The following TCOF1 variants were observed in gnomAD, a reference collection of about 807,000 sequenced individuals.
The protein encoded by TCOF1 is treacle protein.
In TCOF1, 33 loss-of-function variants were observed where a neutral mutation model predicts 149.0. The ratio of observed to expected loss-of-function variants is 0.22; its 90% CI spans 0.17 to 0.30. The LOEUF (loss-of-function observed/expected upper bound fraction) is 0.30. Ranked by LOEUF, TCOF1 falls within the 10% of genes least tolerant of loss-of-function variation. The pLI is 1.00. For synonymous variants in TCOF1, 789 were observed against 738.8 expected (o/e 1.07, Z -1.10); for missense variants, 1,728 against 1,840.7 (o/e 0.94, Z 1.12).
intron 14 of TCOF1, among the ~76,000 whole-genome samples, chr5:150,376,979 G>A (rs1763956177): frequency 1.3e-5 from 2 of 152,234 alleles, no homozygotes; most frequent in South Asian, 4.1e-4. Flanking sequence ...GGAGCGATGG[G>A]GTTGAGATAG....
chr5:150,362,368 A>G (rs78507363), intron 2 of TCOF1, among the ~76,000 whole-genome samples: 2,994 of 152,304 alleles, frequency 0.02, 106 homozygotes, highest in African/African-American at 0.069. Flanking sequence ...AGTGAAGGAC[A>G]TGCAGACATA....
intron 25 of TCOF1, 145 bp from the exon 26 acceptor site, chr5:150,398,877 G>A: frequency 1.8e-6 from 2 of 1,142,760 alleles, no homozygotes. Context: ...TAGGAGAGCT[G>A]AACATCTGTT....
intron 21 of TCOF1, chr5:150,392,496 G>A: frequency 1.6e-6 from 1 of 619,558 alleles, no homozygotes; most frequent in East Asian, 2.8e-5. Flanking sequence ...TAGAAATAAG[G>A]CTTTGGCATT....
chr5:150,360,697 C>A (rs1416516676), intron 1 of TCOF1, among the ~76,000 whole-genome samples: 1 of 151,098 alleles, frequency 6.6e-6, no homozygotes, highest in East Asian at 1.9e-4. Context: ...ACTGGCAGGG[C>A]CAAGCAGACA....
intron 8 of TCOF1, 63 bp from the exon 9 acceptor site, chr5:150,374,554 G>A: frequency 3.1e-6 from 5 of 1,607,800 alleles, no homozygotes; most frequent in Non-Finnish European, 4.3e-6. Context: ...TTCTGTACGT[G>A]GTGTCCTGTG....
rs115532058 is a variant in TCOF1 at position 150,375,179 on chromosome 5, G to A, written c.1488+16G>A. On this transcript the variant is annotated intron_variant, in intron 10 of 26. Coordinates refer to ENST00000643257, the MANE Select transcript of TCOF1 (RefSeq NM_001371623.1). The stretch of plus-strand genomic sequence containing the variant: ...TGCAGCTCAGGTGAGGCTGGAAGCC[G>A]CCCTGCATGGCCTGTGCCCTGCCTC... 882 of 1,612,824 alleles carry A rather than the reference G, an allele frequency of 5.5e-4. 5 individuals carry two copies. In the African/African-American group the frequency reaches 9.2e-3, roughly 17 times the overall value.
rs887697414 is a variant in TCOF1 at position 150,393,304 on chromosome 5, A to G, written c.3604-68A>G. 8 of 1,602,752 alleles carry G rather than the reference A, an allele frequency of 5.0e-6. No homozygotes were observed. In the East Asian group the frequency reaches 6.7e-5, roughly 13 times the overall value. On this transcript the variant is annotated intron_variant, in intron 22 of 26. Transcript: ENST00000643257. ...CAGGCTGCTTTCCTCACAGCAGGCC[A>G]TGACTCGGGCTGGGTTATGGCAGTG...
intron 14 of TCOF1, among the ~76,000 whole-genome samples, chr5:150,376,953 C>G (rs1159538754): frequency 6.6e-6 from 1 of 152,244 alleles, no homozygotes; most frequent in African/African-American, 2.4e-5. Flanking sequence ...GGAGCATGGA[C>G]ATGCTCCTGC....
chr5:150,386,535 G>A (rs1766340850), intron 17 of TCOF1, among the ~76,000 whole-genome samples: 1 of 152,276 alleles, frequency 6.6e-6, no homozygotes, highest in East Asian at 1.9e-4. Context: ...TTTACTTTAT[G>A]CCTCTCCACA....
intron 17 of TCOF1, chr5:150,382,972 G>A: frequency 9.5e-7 from 1 of 1,053,602 alleles, no homozygotes; most frequent in Non-Finnish European, 1.3e-6. Context: ...GGAAACCAGA[G>A]TGCCTGAGGG....
chr5:150,398,535 C>T, intron 25 of TCOF1, 84 bp downstream of exon 25: 1 of 1,596,782 alleles, frequency 6.3e-7, no homozygotes, highest in Non-Finnish European at 8.5e-7. Context: ...GGTTCCTGCC[C>T]CCTTCCCATT....
intron 1 of TCOF1, among the ~76,000 whole-genome samples, chr5:150,358,510 A>G (rs1036018827): frequency 2.0e-5 from 3 of 152,156 alleles, no homozygotes; most frequent in Non-Finnish European, 4.4e-5. Flanking sequence ...CACAAAAGTG[A>G]CTATATGCTT....
At position 150,379,512 on chromosome 5, in the gene TCOF1, C is replaced by T; in HGVS notation, c.2659-20C>T. 2 of 1,613,700 alleles carry T rather than the reference C, an allele frequency of 1.2e-6. No homozygotes were observed. Among genetic ancestry groups the T allele is most frequent in the South Asian group, 1.1e-5 (1 of 91,048 alleles). ...GTCCACCCTCCAGGCTCTCTCCTCT[C>T]ATCCTGTTTCTCCCTCCAGGTGAAG... On this transcript the variant is annotated intron_variant, in intron 16 of 26. Coordinates refer to ENST00000643257, the MANE Select transcript of TCOF1 (RefSeq NM_001371623.1).
Position 150,362,190 on chromosome 5 carries a change from G to T in TCOF1, c.164+979G>T, listed in dbSNP as rs542433401. 3.9e-5 allele frequency among the ~76,000 whole-genome samples: 6 copies of T among 152,310 alleles called. No homozygotes were observed. The South Asian group carries it at 8.3e-4, about 21-fold the overall frequency. On this transcript the variant is annotated intron_variant, in intron 2 of 26. Coordinates refer to ENST00000643257, the MANE Select transcript of TCOF1 (RefSeq NM_001371623.1). ...AAGGGAACTCAGTTTGGAGGGGAAAGATTTCAATGACATGTTGAGTGTGAG... is the reference window on the plus strand; with the variant it reads ...AAGGGAACTCAGTTTGGAGGGGAAATATTTCAATGACATGTTGAGTGTGAG...
chr5:150,385,931 C>A (rs1049320656), intron 17 of TCOF1, among the ~76,000 whole-genome samples: 2 of 152,182 alleles, frequency 1.3e-5, no homozygotes, highest in Non-Finnish European at 2.9e-5. Context: ...CCAGTTTCCA[C>A]AGTGCATTGG....
rs1473384621 is a variant in TCOF1 at position 150,368,454 on chromosome 5, A to G, written c.379-262A>G. On this transcript the variant is annotated intron_variant, in intron 4 of 26. Coordinates refer to ENST00000643257, the MANE Select transcript of TCOF1 (RefSeq NM_001371623.1). ...GTCTCAAAGTAATTATGAAGTAATG[A>G]TAAGATCAACAACAAACTGCTACTT... is the stretch of plus-strand genomic sequence containing the variant. 4 of 530,810 alleles carry G rather than the reference A, an allele frequency of 7.5e-6. No homozygotes were observed. In the East Asian group the frequency reaches 1.3e-4, roughly 18 times the overall value. The allele number at this position is 530,810 out of a possible 1,614,324, so 32.9% of individuals were successfully genotyped here.
intron 17 of TCOF1, chr5:150,385,051 A>G (rs1052945818): frequency 1.0e-6 from 1 of 985,458 alleles, no homozygotes. Context: ...GACAGCTTCC[A>G]GATTTAAAAA....
At chr5:150,382,802 C>G (rs1035010133) in intron 17 of TCOF1, among the ~76,000 whole-genome samples, 1 of 152,252 alleles carries the variant, frequency 6.6e-6, no homozygotes, top group Non-Finnish European at 1.5e-5. Context: ...CCCTGCAGCC[C>G]TCAGGTTTTA....
intron 25 of TCOF1, among the ~76,000 whole-genome samples, 153 bp downstream of exon 25, chr5:150,398,604 G>A (rs1459402086): frequency 6.6e-6 from 1 of 152,184 alleles, no homozygotes; most frequent in African/African-American, 2.4e-5. Flanking sequence ...GGCTGGCAGG[G>A]CATGTTCCCT....
Sources: allele counts gnomAD v4.1 joint callset (sites outside exome capture counted in the v4.1 genomes callset), GRCh38; gene constraint gnomAD v4.1.1; transcripts MANE v1.5; gene names NCBI Gene and HGNC (gene_info 2026-07-23, HGNC 2026-07-21).